Variants in CHN2 observed in about 807,000 individuals in gnomAD.
CHN2 encodes the protein chimerin 2.
A neutral mutation model predicts 56.3 loss-of-function variants in CHN2; 35 were observed. The ratio of observed to expected loss-of-function variants is 0.62; its 90% CI spans 0.47 to 0.82. The LOEUF (loss-of-function observed/expected upper bound fraction) is 0.82. Among genes scored for constraint, CHN2 ranks in the 40% least tolerant of loss-of-function variants. The pLI, the probability that CHN2 is intolerant of heterozygous loss-of-function variation, is 0.00. For synonymous variants in CHN2, 210 were observed against 212.8 expected, an observed-to-expected ratio of 0.99 and a Z score of 0.12; for missense variants, 491 against 580.5, an observed-to-expected ratio of 0.85 and a Z score of 1.58.
chr7:29,236,464 AG>A (rs1055892087), intron 1 of CHN2, among the ~76,000 whole-genome samples: 6 of 152,208 alleles, frequency 3.9e-5, no homozygotes, highest in African/African-American at 1.4e-4. Flanking sequence ...GCCATTTGCA[AG>A]GTTGCTCCTG....
chr7:29,396,356 C>T (rs1801741609), intron 4 of CHN2, among the ~76,000 whole-genome samples: 1 of 146,362 alleles, frequency 6.8e-6, no homozygotes, highest in Admixed American at 7.1e-5. Context: ...ACTCGAGAGG[C>T]TGAGGCAGGA....
rs1359029433 is a variant in CHN2, at chr7:29,367,955, C to A, written c.112C>A (p.Pro38Thr). 1.2e-6 allele frequency: 2 copies of A among 1,611,398 alleles called. No individual in the cohort carries two copies. The highest frequency in any genetic ancestry group is 1.7e-6 in the Non-Finnish European group (2 of 1,178,886). Residue 38 changes from proline (P) to threonine (T), a missense_variant, in exon 3 of 13, where the codon CCT becomes ACT. Physicochemically the swap from Pro to Thr is conservative, Grantham distance 38. Coordinates refer to ENST00000222792, the MANE Select transcript of CHN2 (RefSeq NM_004067.4). ...SYLYQLQQEA[P>T]RPKRIICPRE... is the part of the protein sequence containing the mutation. ...AGTATATCAGTTACAGCAAGAGGCA[C>A]CTCGTCCCAAGAGAATCATTTGTCC...
chr7:29,230,894 C>G lies in CHN2; in HGVS notation c.49+35904C>G, dbSNP rs574787368. On this transcript the variant is annotated intron_variant, in intron 1 of 12. Transcript: ENST00000222792. ...CTACACATTGTACTCTAATATTTAC[C>G]TATTATAAAGTGCATCCAGGTGTAT... is the stretch of plus-strand genomic sequence containing the variant. 3.9e-5 allele frequency among the ~76,000 whole-genome samples: 6 copies of G among 152,112 alleles called. No individual in the cohort carries two copies. In the East Asian group the frequency reaches 1.2e-3, roughly 29 times the overall value.
At chr7:29,451,212 A>T (rs139859472) in intron 6 of CHN2, among the ~76,000 whole-genome samples, 280 of 152,274 alleles carry the variant, frequency 1.8e-3, no homozygotes, top group African/African-American at 6.2e-3. Flanking sequence ...GTTGGAAGAG[A>T]TTTTTGTCTA....
intron 1 of CHN2, among the ~76,000 whole-genome samples, chr7:29,238,163 G>A (rs147407116): frequency 0.034 from 5,176 of 151,836 alleles, 281 homozygotes; most frequent in African/African-American, 0.12. Context: ...GACTACAGGC[G>A]TGTGCCACCA....
intron 1 of CHN2, among the ~76,000 whole-genome samples, chr7:29,306,744 T>A (rs39115): frequency 0.19 from 28,852 of 152,192 alleles, 2,925 homozygotes; most frequent in East Asian, 0.31. Context: ...ATGTAAGAAT[T>A]GCCGTGAACT....
At chr7:29,473,006 A>G (rs1786240049) in intron 6 of CHN2, among the ~76,000 whole-genome samples, 1 of 152,220 alleles carries the variant, frequency 6.6e-6, no homozygotes, top group African/African-American at 2.4e-5. Context: ...TTAAAATCAT[A>G]CTAATATACA....
intron 6 of CHN2, among the ~76,000 whole-genome samples, chr7:29,469,636 C>T (rs192946880): frequency 2.6e-5 from 4 of 152,306 alleles, no homozygotes; most frequent in East Asian, 1.9e-4. Flanking sequence ...ACCTCCGGCC[C>T]GTATTTGCCC....
intron 2 of CHN2, among the ~76,000 whole-genome samples, chr7:29,163,516 G>A (rs1272896383): frequency 6.6e-6 from 1 of 152,086 alleles, no homozygotes; most frequent in Non-Finnish European, 1.5e-5. Flanking sequence ...ATATGCATAT[G>A]AGCAATTATT....
At chr7:29,332,640 A>G (rs938271914) in intron 1 of CHN2, among the ~76,000 whole-genome samples, 3 of 152,106 alleles carry the variant, frequency 2.0e-5, no homozygotes, top group African/African-American at 7.2e-5. Flanking sequence ...TTTGGATAGT[A>G]TATTTTATGT....
rs1289300394 is a variant in CHN2 at position 29,400,389 on chromosome 7, C to A, written c.291-154C>A. On this transcript the variant is annotated intron_variant, in intron 5 of 12. Coordinates refer to ENST00000222792, the MANE Select transcript of CHN2 (RefSeq NM_004067.4). ...TAACCATTATACCGTCTCAAAGGGT[C>A]TCTGTGAGCGTTAGGGGAAAAAAAA... The A allele has an allele frequency of 4.3e-6, 3 of 696,674 alleles. No individual in the cohort carries two copies. The Admixed American group carries it at 8.5e-5, about 20-fold the overall frequency. The allele number at this position is 696,674 out of a possible 1,614,324, so 43.2% of individuals were successfully genotyped here. A position where few individuals can be genotyped will look rare whatever the true frequency, so the allele number is the denominator to read the frequency against.
At chr7:29,293,402 A>G (rs1487216444) in intron 1 of CHN2, among the ~76,000 whole-genome samples, 1 of 109,730 alleles carries the variant, frequency 9.1e-6, no homozygotes, top group Non-Finnish European at 1.8e-5. Flanking sequence ...GTCCACTCTC[A>G]GTCCTTGCCT....
chr7:29,438,216 C>G (rs895627677), intron 6 of CHN2, among the ~76,000 whole-genome samples: 1 of 152,208 alleles, frequency 6.6e-6, no homozygotes, highest in Admixed American at 6.5e-5. Flanking sequence ...GCCTCCAACA[C>G]CCAGAAGTAG....
At chr7:29,286,431 G>A (rs771418027) in intron 1 of CHN2, among the ~76,000 whole-genome samples, 11 of 151,836 alleles carry the variant, frequency 7.2e-5, no homozygotes, top group Non-Finnish European at 1.3e-4. Context: ...GGAAAGGTGG[G>A]GTCTGCATGT....
chr7:29,462,128 G>T (rs528173271), intron 6 of CHN2, among the ~76,000 whole-genome samples: 2 of 152,202 alleles, frequency 1.3e-5, no homozygotes, highest in African/African-American at 4.8e-5. Flanking sequence ...TGCATTCTGC[G>T]TAAAACTTAG....
chr7:29,469,718 C>T (rs184207483), intron 6 of CHN2, among the ~76,000 whole-genome samples: 1 of 152,328 alleles, frequency 6.6e-6, no homozygotes, highest in Admixed American at 6.5e-5. Flanking sequence ...CTCCCTCTCA[C>T]TTCCTATCCT....
At chr7:29,507,108 A>C (rs753169778) in intron 10 of CHN2, 120 bp from the exon 11 acceptor site, 20 of 879,164 alleles carry the variant, frequency 2.3e-5, no homozygotes, top group Non-Finnish European at 2.9e-5. Flanking sequence ...AGAAGCCAAA[A>C]GAGTTAGCTG....
At chr7:29,467,121 TA>T (rs1200066551) in intron 6 of CHN2, among the ~76,000 whole-genome samples, 1 of 152,244 alleles carries the variant, frequency 6.6e-6, no homozygotes, top group African/African-American at 2.4e-5. Context: ...TGTACGTAGC[TA>T]TTTCCTGATG....
chr7:29,232,409 G>A (rs768156023), intron 1 of CHN2, among the ~76,000 whole-genome samples: 1 of 152,070 alleles, frequency 6.6e-6, no homozygotes, highest in Non-Finnish European at 1.5e-5. Context: ...TACGTCTACA[G>A]CCAGGAAGCC....
Sources: gnomAD v4.1 joint callset for allele counts (sites outside exome capture counted in the v4.1 genomes callset) on GRCh38, gnomAD v4.1.1 for gene constraint, MANE v1.5 for transcripts, NCBI Gene and HGNC (gene_info 2026-07-23, HGNC 2026-07-21) for gene names.